Variants in PDE4D observed in about 807,000 individuals in gnomAD.
PDE4D encodes the protein 3',5'-cyclic-AMP phosphodiesterase 4D.
Under a neutral mutation model 87.4 loss-of-function variants are expected in PDE4D, and 24 were observed. The ratio of observed to expected loss-of-function variants is 0.27; its 90% CI spans 0.20 to 0.39. The LOEUF is 0.39. Among genes scored for constraint, PDE4D ranks in the 10% least tolerant of loss-of-function variants. The pLI is 1.00. For synonymous variants in PDE4D, 384 were observed against 383.2 expected (o/e 1.00, Z -0.02); for missense variants, 714 against 1,041.0 (o/e 0.69, Z 4.32).
intron 1 of PDE4D, among the ~76,000 whole-genome samples, chr5:60,214,733 T>C (rs1562226529): frequency 6.6e-6 from 1 of 152,114 alleles, no homozygotes; most frequent in Non-Finnish European, 1.5e-5. Context: ...TTATTGATTC[T>C]TAATACTTAC....
chr5:59,506,707 C>T (rs565080542), intron 1 of PDE4D, among the ~76,000 whole-genome samples: 1 of 152,188 alleles, frequency 6.6e-6, no homozygotes, highest in African/African-American at 2.4e-5. Context: ...AATCACTAGA[C>T]ATCAGTGAAG....
intron 1 of PDE4D, among the ~76,000 whole-genome samples, chr5:60,422,959 T>C (rs1007341479): frequency 6.6e-6 from 1 of 152,178 alleles, no homozygotes; most frequent in African/African-American, 2.4e-5. Context: ...AGGCATTACA[T>C]AATGGTAAAG....
chr5:59,839,211 G>A (rs556426283), intron 1 of PDE4D, among the ~76,000 whole-genome samples: 1 of 151,590 alleles, frequency 6.6e-6, no homozygotes, highest in Non-Finnish European at 1.5e-5. Context: ...GGTCACTGGA[G>A]TTCTCAGCTC....
chr5:60,111,298 A>G (rs1271696323), intron 2 of PDE4D, among the ~76,000 whole-genome samples: 1 of 152,048 alleles, frequency 6.6e-6, no homozygotes, highest in Non-Finnish European at 1.5e-5. Flanking sequence ...ATTATGAATC[A>G]GCTAAAAAAG....
At chr5:59,279,890 G>C (rs1160648728) in intron 1 of PDE4D, among the ~76,000 whole-genome samples, 1 of 151,826 alleles carries the variant, frequency 6.6e-6, no homozygotes, top group Non-Finnish European at 1.5e-5. Context: ...CAAGTTTTTG[G>C]AAGTTTTTAA....
At chr5:59,501,401 T>G (rs1808264225) in intron 1 of PDE4D, among the ~76,000 whole-genome samples, 1 of 152,182 alleles carries the variant, frequency 6.6e-6, no homozygotes, top group Non-Finnish European at 1.5e-5. Context: ...CTCCTGACCT[T>G]AAGGAGCTTG....
chr5:59,182,148 A>G (rs932109133), intron 4 of PDE4D, among the ~76,000 whole-genome samples: 7 of 152,052 alleles, frequency 4.6e-5, no homozygotes, highest in African/African-American at 1.4e-4. Context: ...TGGTTGGGGG[A>G]AAAATGGGGA....
chr5:60,123,641 G>A (rs886959149), intron 2 of PDE4D, among the ~76,000 whole-genome samples: 2 of 151,884 alleles, frequency 1.3e-5, no homozygotes, highest in Admixed American at 6.6e-5. Flanking sequence ...GAGCCAAACC[G>A]TATCAAACCT....
intron 2 of PDE4D, among the ~76,000 whole-genome samples, chr5:60,166,533 T>C (rs544781271): frequency 6.6e-6 from 1 of 152,362 alleles, no homozygotes; most frequent in African/African-American, 2.4e-5. Flanking sequence ...TTTTACTAAT[T>C]TAGTCTTTTA....
At chr5:59,610,052 T>A (rs1165609204) in intron 1 of PDE4D, among the ~76,000 whole-genome samples, 1 of 152,200 alleles carries the variant, frequency 6.6e-6, no homozygotes, top group African/African-American at 2.4e-5. Flanking sequence ...CTGCCCTAGA[T>A]ACAACAGAGA....
At chr5:59,703,793 A>C in intron 1 of PDE4D, 1 of 300,796 alleles carries the variant, frequency 3.3e-6, no homozygotes, top group Non-Finnish European at 7.0e-6. Context: ...GAATGACTTG[A>C]AGCAACATAC....
chr5:59,949,242 T>C (rs890945924), intron 3 of PDE4D, among the ~76,000 whole-genome samples: 7 of 152,066 alleles, frequency 4.6e-5, no homozygotes, highest in Non-Finnish European at 8.8e-5. Context: ...CCATCCTGGC[T>C]ATCACGGTGA....
chr5:60,287,928 C>T (rs1023790053), intron 1 of PDE4D, among the ~76,000 whole-genome samples: 26 of 152,156 alleles, frequency 1.7e-4, no homozygotes, highest in African/African-American at 6.0e-4. Context: ...ATGATGCCTC[C>T]AGCATTTTAA....
chr5:59,678,412 C>T (rs1158745584), intron 1 of PDE4D, among the ~76,000 whole-genome samples: 1 of 151,972 alleles, frequency 6.6e-6, no homozygotes. Flanking sequence ...AATTTCAATG[C>T]TAATATCTCT....
intron 1 of PDE4D, among the ~76,000 whole-genome samples, chr5:59,786,610 G>T (rs1316593633): frequency 6.6e-6 from 1 of 152,180 alleles, no homozygotes; most frequent in African/African-American, 2.4e-5. Context: ...TTTAGGCGAG[G>T]ATAGTACTTT....
At chr5:59,196,331 T>C (rs1482996604) in intron 2 of PDE4D, among the ~76,000 whole-genome samples, 1 of 152,168 alleles carries the variant, frequency 6.6e-6, no homozygotes, top group Non-Finnish European at 1.5e-5. Context: ...GTGATATGCA[T>C]TGGCTGATTC....
At chr5:60,005,096 T>C (rs1764348132) in intron 2 of PDE4D, among the ~76,000 whole-genome samples, 1 of 152,136 alleles carries the variant, frequency 6.6e-6, no homozygotes, top group African/African-American at 2.4e-5. Context: ...CTGTGGTGTA[T>C]ATACAATGGA....
At chr5:60,390,418 C>G (rs1028042681) in intron 1 of PDE4D, among the ~76,000 whole-genome samples, 3 of 152,110 alleles carry the variant, frequency 2.0e-5, no homozygotes, top group African/African-American at 7.2e-5. Context: ...AGTCACTAAC[C>G]AAATTCCTTA....
At position 59,200,736 on chromosome 5, in the gene PDE4D, T is replaced by G. The variant is rs148159402; in HGVS notation, c.648-7200A>C. ...GTATACATACATATGTGTATGTATA[T>G]ATATACATACACACATATGAAGTAC... On this transcript the variant is annotated intron_variant, in intron 2 of 14. Coordinates refer to ENST00000340635, the MANE Select transcript of PDE4D (RefSeq NM_001104631.2). Among the ~76,000 whole-genome samples, 146 of 147,892 alleles carry G rather than the reference T, an allele frequency of 9.9e-4. 11 individuals are homozygous for G. Among genetic ancestry groups the G allele is most frequent in the African/African-American group, 3.3e-3 (127 of 38,856 alleles).
Sources: allele counts gnomAD v4.1 joint callset (sites outside exome capture counted in the v4.1 genomes callset), GRCh38; gene constraint gnomAD v4.1.1; transcripts MANE v1.5; gene names NCBI Gene and HGNC (gene_info 2026-07-23, HGNC 2026-07-21).